CACNA1E: variants seen among roughly 807,000 people sequenced by gnomAD.
CACNA1E encodes voltage-dependent R-type calcium channel subunit alpha-1E.
CACNA1E carries 40 observed loss-of-function variants against 259.2 expected under a neutral mutation model. The observed-to-expected ratio is 0.15, with a 90% CI of 0.12 to 0.20. The LOEUF (loss-of-function observed/expected upper bound fraction) is 0.20, where lower values mean the gene tolerates loss of function less well. Among genes scored for constraint, CACNA1E ranks in the 10% least tolerant of loss-of-function variants. The pLI is 1.00. For synonymous variants in CACNA1E, 1,104 were observed against 1,138.5 expected (o/e 0.97, Z 0.61); for missense variants, 1,874 against 3,040.1 (o/e 0.62, Z 9.02).
intron 6 of CACNA1E, among the ~76,000 whole-genome samples, chr1:181,614,032 G>A (rs544440366): frequency 6.6e-6 from 1 of 152,004 alleles, no homozygotes; most frequent in Non-Finnish European, 1.5e-5. Flanking sequence ...GTCATATAAT[G>A]ACTTCAATTT....
intron 7 of CACNA1E, chr1:181,669,087 C>G (rs1441519593): frequency 2.6e-5 from 4 of 151,982 alleles, no homozygotes; most frequent in African/African-American, 7.3e-5. Context: ...AAATTATGGA[C>G]CAGTAAGTTC....
intron 32 of CACNA1E, among the ~76,000 whole-genome samples, chr1:181,759,388 G>GGTGT (rs1020524831): frequency 6.5e-5 from 8 of 122,620 alleles, no homozygotes; most frequent in African/African-American, 6.2e-5. Context: ...ACCTTTAAGG[G>GGTGT]GTGTGTCTGT....
At chr1:181,329,508 C>G (rs919870041) in intron 1 of CACNA1E, among the ~76,000 whole-genome samples, 12 of 152,110 alleles carry the variant, frequency 7.9e-5, no homozygotes, top group African/African-American at 2.9e-4. Flanking sequence ...TCCAGCTACT[C>G]TGGTCTCTTT....
chr1:181,500,190 G>A (rs1665122694), intron 1 of CACNA1E, among the ~76,000 whole-genome samples: 1 of 152,184 alleles, frequency 6.6e-6, no homozygotes, highest in South Asian at 2.1e-4. Flanking sequence ...TGTTGACCTT[G>A]CTTCCTACCT....
chr1:181,694,565 G>C (rs1572624334), intron 7 of CACNA1E, among the ~76,000 whole-genome samples: 2 of 152,230 alleles, frequency 1.3e-5, no homozygotes, highest in South Asian at 4.1e-4. Flanking sequence ...TGTTGCATAG[G>C]CTTTGCCATT....
intron 18 of CACNA1E, among the ~76,000 whole-genome samples, chr1:181,728,647 TG>T (rs1340116003): frequency 6.6e-6 from 1 of 151,806 alleles, no homozygotes; most frequent in Non-Finnish European, 1.5e-5. Context: ...ATTGCTTAGG[TG>T]TGTGTGTCCT....
At chr1:181,417,859 T>C (rs1430574089) in intron 2 of CACNA1E, among the ~76,000 whole-genome samples, 1 of 152,230 alleles carries the variant, frequency 6.6e-6, no homozygotes, top group East Asian at 1.9e-4. Flanking sequence ...TGGTCCCTGG[T>C]ACCAGGCCTT....
intron 2 of CACNA1E, among the ~76,000 whole-genome samples, chr1:181,441,455 C>T (rs1660470744): frequency 6.6e-6 from 1 of 152,208 alleles, no homozygotes; most frequent in Non-Finnish European, 1.5e-5. Context: ...TGGCCCAATT[C>T]ACTGCTTTTA....
chr1:181,453,439 G>T (rs1416284007), intron 2 of CACNA1E, among the ~76,000 whole-genome samples: 1 of 152,098 alleles, frequency 6.6e-6, no homozygotes, highest in South Asian at 2.1e-4. Flanking sequence ...CTCTGTAAAG[G>T]ATACAGATTT....
chr1:181,766,010 T>C (rs113689418), intron 34 of CACNA1E, among the ~76,000 whole-genome samples: 1,693 of 152,276 alleles, frequency 0.011, 28 homozygotes, highest in African/African-American at 0.039. Context: ...GAGGCTTAAA[T>C]ACTGGGAAAT....
intron 25 of CACNA1E, chr1:181,745,318 G>A (rs772194680): frequency 4.2e-6 from 2 of 481,376 alleles, no homozygotes; most frequent in East Asian, 1.1e-4. Context: ...CAATGGGTGT[G>A]AACACCCAAG....
At chr1:181,796,953 C>G in intron 47 of CACNA1E, 95 bp downstream of exon 47, 1 of 832,434 alleles carries the variant, frequency 1.2e-6, no homozygotes. Flanking sequence ...CAAACGCATT[C>G]AAGTACCCAC....
In CACNA1E at chr1:181,771,709, C is replaced by T. The variant is rs1260287263; in HGVS notation, c.4973+325C>T. 28 of 465,286 alleles carry T rather than the reference C, an allele frequency of 6.0e-5. No homozygotes were observed. The Admixed American group carries it at 1.0e-3, about 17-fold the overall frequency. The allele number at this position is 465,286 out of a possible 1,614,324, so 28.8% of individuals were successfully genotyped here. A position where few individuals can be genotyped will look rare whatever the true frequency, so the allele number is the denominator to read the frequency against. The stretch of plus-strand genomic sequence containing the variant: ...GTTAATTTGCAAATTTTAACTTCAA[C>T]ATGGCCTGCAAGGGTTTGGGAGGGG... On this transcript the variant is annotated intron_variant, in intron 36 of 47. Coordinates refer to ENST00000367573, the MANE Select transcript of CACNA1E (RefSeq NM_001205293.3).
At chr1:181,536,366 T>C (rs909631152) in intron 3 of CACNA1E, among the ~76,000 whole-genome samples, 3 of 152,184 alleles carry the variant, frequency 2.0e-5, no homozygotes, top group African/African-American at 7.2e-5. Context: ...CTCAGTTCAG[T>C]TTTTCACATC....
chr1:181,376,236 AATC>A (rs1224997443), intron 1 of CACNA1E, among the ~76,000 whole-genome samples: 1 of 152,200 alleles, frequency 6.6e-6, no homozygotes, highest in African/African-American at 2.4e-5. Context: ...ACCTTCCACA[AATC>A]ATACCATCTA....
intron 1 of CACNA1E, among the ~76,000 whole-genome samples, chr1:181,367,368 G>C (rs1185278476): frequency 6.6e-6 from 1 of 150,942 alleles, no homozygotes; most frequent in African/African-American, 2.4e-5. Flanking sequence ...TTTTTTCTCA[G>C]CTTTTCCCAG....
At chr1:181,741,089 ATTC>A (rs1572761135) in intron 25 of CACNA1E, among the ~76,000 whole-genome samples, 2 of 152,216 alleles carry the variant, frequency 1.3e-5, no homozygotes, top group African/African-American at 4.8e-5. Context: ...TCACTGTATC[ATTC>A]TTCTTATTTT....
At chr1:181,458,778 A>G (rs1031487463) in intron 2 of CACNA1E, among the ~76,000 whole-genome samples, 3 of 152,116 alleles carry the variant, frequency 2.0e-5, no homozygotes, top group African/African-American at 7.2e-5. Context: ...TTTCTATCAC[A>G]TTTGATGGCT....
chr1:181,331,270 G>T (rs1651239335), intron 1 of CACNA1E, among the ~76,000 whole-genome samples: 1 of 152,062 alleles, frequency 6.6e-6, no homozygotes, highest in Non-Finnish European at 1.5e-5. Context: ...TATTTTAGGG[G>T]ATTTATTAGG....
Sources: allele counts gnomAD v4.1 joint callset (sites outside exome capture counted in the v4.1 genomes callset), GRCh38; gene constraint gnomAD v4.1.1; transcripts MANE v1.5; gene names NCBI Gene and HGNC (gene_info 2026-07-23, HGNC 2026-07-21).